EFCAB6: variants seen among roughly 807,000 people sequenced by gnomAD.
The protein encoded by EFCAB6 is EF-hand calcium binding domain 6, also known as EF-hand calcium-binding domain-containing protein 6.
Under a neutral mutation model 169.8 loss-of-function variants are expected in EFCAB6, and 156 were observed. The ratio of observed to expected loss-of-function variants is 0.92; its 90% CI spans 0.81 to 1.05. The LOEUF (loss-of-function observed/expected upper bound fraction) is 1.05, where lower values mean the gene tolerates loss of function less well. EFCAB6 is among the 50% of genes least tolerant of loss of function. EFCAB6 has a pLI of 0.00. For missense variants in EFCAB6, 1,800 were observed against 1,829.1 expected (o/e 0.98, Z 0.29); for synonymous variants, 698 against 676.4 (o/e 1.03, Z -0.50).
rs143867838 is a variant in EFCAB6 at position 43,528,880 on chromosome 22, G to A, written c.4479C>T (p.Asn1493=). 1.2e-4 allele frequency: 201 copies of A among 1,611,526 alleles called. No individual in the cohort carries two copies. The highest frequency in any genetic ancestry group is 6.7e-4 in the African/African-American group (50 of 75,030). The change falls in exon 32 of 32, where the codon AAC becomes AAT. Residue 1493 remains asparagine (N), a synonymous_variant. Transcript: ENST00000262726. ...ACTGGAGGAATGCCCGGAGGAAGTC[G>A]TTGTAGGAGATTTTTGAAGACAGCG... The part of the protein sequence containing the change: ...DKTLSSKISY[N]DFLRAFLQ
intron 3 of EFCAB6, among the ~76,000 whole-genome samples, chr22:43,776,884 G>A (rs998507217): frequency 3.3e-5 from 5 of 152,134 alleles, no homozygotes; most frequent in African/African-American, 1.2e-4. Context: ...GCCTCTGTGT[G>A]GGGTTTTAAA....
chr22:43,675,470 A>AATATATG (rs1254457075), intron 13 of EFCAB6, among the ~76,000 whole-genome samples: 1 of 137,058 alleles, frequency 7.3e-6, no homozygotes. Context: ...TATAATATAT[A>AATATATG]ATATAATATG....
intron 22 of EFCAB6, among the ~76,000 whole-genome samples, chr22:43,602,132 G>A (rs1203001477): frequency 1.3e-5 from 2 of 152,212 alleles, no homozygotes; most frequent in Non-Finnish European, 2.9e-5. Context: ...AGCCGTCCCG[G>A]GCAGTCCTAG....
chr22:43,537,294 G>C lies in EFCAB6; in HGVS notation c.4048+83C>G, dbSNP rs1209556478. On this transcript the variant is annotated intron_variant, in intron 29 of 31. Transcript: ENST00000262726. The surrounding 1 kb of genome is among the most constrained non-coding windows in gnomAD (Gnocchi z 4.3). Reference sequence around the variant, plus strand: ...CTGCTGCTCCCTGGCCTCCACCCGGGGTGTGGCTTTGTACCCAGTGGGAAC... The same window carrying C: ...CTGCTGCTCCCTGGCCTCCACCCGGCGTGTGGCTTTGTACCCAGTGGGAAC... 4.6e-6 allele frequency: 7 copies of C among 1,512,506 alleles called. No homozygotes were observed. The highest frequency in any genetic ancestry group is 1.9e-4 in the Middle Eastern group (1 of 5,300). 93.7% of individuals were successfully genotyped at this position (1,512,506 alleles called of 1,614,324 possible). A position where few individuals can be genotyped will look rare whatever the true frequency, so the allele number is the denominator to read the frequency against.
At chr22:43,626,321 CCAAGAA>C in intron 20 of EFCAB6, 120 bp downstream of exon 20, 1 of 988,276 alleles carries the variant, frequency 1.0e-6, no homozygotes, top group Non-Finnish European at 1.5e-6. Flanking sequence ...TTTTTCTGAA[CCAAGAA>C]AAAGAAAAAA....
chr22:43,529,829 T>A (rs1250967102), intron 31 of EFCAB6, among the ~76,000 whole-genome samples: 1 of 152,162 alleles, frequency 6.6e-6, no homozygotes, highest in Non-Finnish European at 1.5e-5. Flanking sequence ...GGGAGTGAAA[T>A]AAACTTTCAC....
At chr22:43,707,107 T>C (rs1395645044) in intron 10 of EFCAB6, among the ~76,000 whole-genome samples, 3 of 152,136 alleles carry the variant, frequency 2.0e-5, no homozygotes, top group Admixed American at 2.0e-4. Flanking sequence ...TGAAATCTAG[T>C]GTAGGCTCAA....
At chr22:43,630,122 G>C (rs1180648818) in intron 19 of EFCAB6, among the ~76,000 whole-genome samples, 1 of 152,154 alleles carries the variant, frequency 6.6e-6, no homozygotes, top group Non-Finnish European at 1.5e-5. Context: ...AACGTAGCAA[G>C]ACTTCGTCTC....
At chr22:43,539,564 A>G (rs75680713) in intron 28 of EFCAB6, among the ~76,000 whole-genome samples, 1 of 152,270 alleles carries the variant, frequency 6.6e-6, no homozygotes, top group Non-Finnish European at 1.5e-5. Context: ...CCCTTTCTGC[A>G]GACAAAAAAA....
At chr22:43,728,750 G>A (rs1409115963) in intron 8 of EFCAB6, among the ~76,000 whole-genome samples, 1 of 152,110 alleles carries the variant, frequency 6.6e-6, no homozygotes, top group Non-Finnish European at 1.5e-5. Context: ...CCCACTTTTT[G>A]ATGGGGTTGT....
chr22:43,589,617 G>A (rs1338090403), intron 24 of EFCAB6, among the ~76,000 whole-genome samples: 2 of 152,012 alleles, frequency 1.3e-5, no homozygotes, highest in South Asian at 2.1e-4. Flanking sequence ...GTGAAACCCC[G>A]TCTCTACTAA....
chr22:43,580,473 A>T lies in EFCAB6; in HGVS notation c.3219T>A (p.Ala1073=), dbSNP rs773361991. The T allele has an allele frequency of 4.3e-6, 7 of 1,614,032 alleles. No homozygotes were observed. The South Asian group carries it at 7.7e-5, about 18-fold the overall frequency. Residue 1073 remains alanine (A), a synonymous_variant, in exon 25 of 32, where the codon GCT becomes GCA. Coordinates refer to ENST00000262726, the MANE Select transcript of EFCAB6 (RefSeq NM_022785.4). ...IQEVVESSQL[A]LSTAFSALDK... is the part of the protein sequence containing the mutation. Reference sequence around the variant, plus strand: ...TTTCAGCCTGTCATACCGTGGACAAAGCCAGCTGGGAGGACTCAACTACTT... The same window carrying T: ...TTTCAGCCTGTCATACCGTGGACAATGCCAGCTGGGAGGACTCAACTACTT...
At chr22:43,799,763 T>A (rs1044001088) in intron 2 of EFCAB6, among the ~76,000 whole-genome samples, 2 of 152,128 alleles carry the variant, frequency 1.3e-5, no homozygotes, top group Non-Finnish European at 2.9e-5. Flanking sequence ...CCCAGAACTC[T>A]CATATGAAGA....
At chr22:43,750,997 C>T (rs2060737455) in intron 6 of EFCAB6, among the ~76,000 whole-genome samples, 1 of 152,206 alleles carries the variant, frequency 6.6e-6, no homozygotes, top group Non-Finnish European at 1.5e-5. Context: ...ACGCTTGTCA[C>T]AGCCGACTGG....
At chr22:43,593,688 T>C (rs979674737) in intron 23 of EFCAB6, among the ~76,000 whole-genome samples, 1 of 152,220 alleles carries the variant, frequency 6.6e-6, no homozygotes, top group Admixed American at 6.5e-5. Flanking sequence ...TTCATCCCTG[T>C]GTCCTTGGCA....
At chr22:43,733,782 C>T (rs1451800129) in intron 7 of EFCAB6, among the ~76,000 whole-genome samples, 1 of 152,052 alleles carries the variant, frequency 6.6e-6, no homozygotes, top group African/African-American at 2.4e-5. Flanking sequence ...GATCTCAGCT[C>T]ACTGCAACCT....
intron 27 of EFCAB6, 165 bp from the exon 28 acceptor site, chr22:43,540,522 C>T (rs1364460587): frequency 2.0e-5 from 31 of 1,530,852 alleles, no homozygotes; most frequent in East Asian, 7.4e-5. Flanking sequence ...GGCCTTCGCT[C>T]GGCGGAGGCC....
chr22:43,542,509 G>A (rs992363448), intron 27 of EFCAB6, among the ~76,000 whole-genome samples: 7 of 152,216 alleles, frequency 4.6e-5, no homozygotes, highest in African/African-American at 1.7e-4. Flanking sequence ...GAACCTGGGA[G>A]GTGGATGCTG....
intron 31 of EFCAB6, among the ~76,000 whole-genome samples, chr22:43,529,986 G>T (rs1164923621): frequency 6.6e-6 from 1 of 152,244 alleles, no homozygotes; most frequent in Non-Finnish European, 1.5e-5. Flanking sequence ...AGCAGGGCTA[G>T]ATGGCCCAGA....
Sources: allele counts gnomAD v4.1 joint callset (sites outside exome capture counted in the v4.1 genomes callset), GRCh38; gene constraint gnomAD v4.1.1; non-coding constraint Gnocchi (gnomAD v3.1); transcripts MANE v1.5; gene names NCBI Gene and HGNC (gene_info 2026-07-23, HGNC 2026-07-21).